Variants in PRICKLE1 observed in about 807,000 individuals in gnomAD.
PRICKLE1 encodes the protein prickle planar cell polarity protein 1.
In PRICKLE1, 14 loss-of-function variants were observed where a neutral mutation model predicts 70.2. That is an observed-to-expected ratio of 0.20 (90% CI 0.13 to 0.31). The LOEUF is 0.31. Ranked by LOEUF, PRICKLE1 falls within the 10% of genes least tolerant of loss-of-function variation. The probability of loss-of-function intolerance (pLI) is 1.00; values close to 1 mark genes in which losing one functional copy is unlikely to be tolerated. For missense variants in PRICKLE1, 821 were observed against 1,026.2 expected, an observed-to-expected ratio of 0.80 and a Z score of 2.73; for synonymous variants, 357 against 379.9, an observed-to-expected ratio of 0.94 and a Z score of 0.70.
intron 1 of PRICKLE1, among the ~76,000 whole-genome samples, chr12:42,560,199 A>G (rs1940487521): frequency 6.8e-6 from 1 of 146,210 alleles, no homozygotes. Flanking sequence ...TGCAGTGGTG[A>G]GATCTTGGCT....
At chr12:42,489,492 T>C (rs1197523521) in intron 1 of PRICKLE1, among the ~76,000 whole-genome samples, 1 of 150,188 alleles carries the variant, frequency 6.7e-6, no homozygotes, top group Non-Finnish European at 1.5e-5. Context: ...AAACCCCGTC[T>C]CTACTAAAAT....
rs1939161438 is a variant in PRICKLE1 at position 42,494,605 on chromosome 12, G to A, written c.-48-22041C>T. Among the ~76,000 whole-genome samples the A allele has an allele frequency of 2.0e-5, 3 of 152,032 alleles. No individual in the cohort carries two copies. The South Asian group carries it at 6.2e-4, about 32-fold the overall frequency. ...GTGGATCACTTGAAGTCAGGAGTTT[G>A]AGACTAGCCTGGCTAACACGGTGAA... On this transcript the variant is annotated intron_variant, in intron 1 of 7. Coordinates refer to ENST00000345127, the MANE Select transcript of PRICKLE1 (RefSeq NM_153026.3).
rs1021392964 is a variant in PRICKLE1 at position 42,477,266 on chromosome 12, A to C, written c.-48-4702T>G. Among the ~76,000 whole-genome samples, 3 of 151,480 alleles carry C rather than the reference A, an allele frequency of 2.0e-5. No individual in the cohort carries two copies. In the East Asian group the frequency reaches 5.9e-4, roughly 30 times the overall value. ...GCACACCTGTAATCCCAGCTACTCG[A>C]GAGGCTGAGGCAGGAGAATCACTTG... On this transcript the variant is annotated intron_variant, in intron 1 of 7. Coordinates refer to ENST00000345127, the MANE Select transcript of PRICKLE1 (RefSeq NM_153026.3).
chr12:42,516,702 G>A (rs1236902082), intron 1 of PRICKLE1, among the ~76,000 whole-genome samples: 1 of 152,092 alleles, frequency 6.6e-6, no homozygotes, highest in African/African-American at 2.4e-5. Context: ...ATGAGGACAG[G>A]GAAAGGGAGG....
At chr12:42,525,638 C>A (rs1939787501) in intron 1 of PRICKLE1, among the ~76,000 whole-genome samples, 1 of 151,920 alleles carries the variant, frequency 6.6e-6, no homozygotes, top group Non-Finnish European at 1.5e-5. Flanking sequence ...TTTCCACACA[C>A]TTCCTGGTGA....
rs1938264291 is a variant in PRICKLE1, at chr12:42,470,287, T to C, written c.205A>G (p.Ile69Val). The C allele has an allele frequency of 1.2e-6, 2 of 1,614,130 alleles. No homozygotes were observed. The highest frequency in any genetic ancestry group is 1.7e-6 in the Non-Finnish European group (2 of 1,179,976). ...YVNSPGEKHR[I>V]KQLLYQLPPH... ...GGTAACTGGTACAAAAGCTGTTTAA[T>C]CCGATGCTTCTCTCCGGGGCTGTTA... The change falls in exon 3 of 8, where the codon ATT (isoleucine) becomes GTT (valine). Residue 69 changes from isoleucine to valine, a missense_variant. Ile to Val is a conservative substitution (Grantham distance 29). Coordinates refer to ENST00000345127, the MANE Select transcript of PRICKLE1 (RefSeq NM_153026.3).
chr12:42,560,306 G>T lies in PRICKLE1; in HGVS notation c.-49+29159C>A, dbSNP rs900058565. On this transcript the variant is annotated intron_variant, in intron 1 of 7. Coordinates refer to ENST00000345127, the MANE Select transcript of PRICKLE1 (RefSeq NM_153026.3). ...GTCCCACCATGCCTGGCTAATTTTT[G>T]TATTTTTAGTAGAGATGGAGTTTCA... Among the ~76,000 whole-genome samples, 4 of 151,776 alleles carry T rather than the reference G, an allele frequency of 2.6e-5. No individual in the cohort carries two copies. The East Asian group carries it at 7.7e-4, about 29-fold the overall frequency.
chr12:42,567,673 C>T (rs540188210), intron 1 of PRICKLE1, among the ~76,000 whole-genome samples: 13 of 151,158 alleles, frequency 8.6e-5, no homozygotes, highest in African/African-American at 3.2e-4. Flanking sequence ...ACTAAAAATA[C>T]AAAATTAACT....
chr12:42,561,761 T>C (rs1392393012), intron 1 of PRICKLE1, among the ~76,000 whole-genome samples: 2 of 152,174 alleles, frequency 1.3e-5, no homozygotes, highest in Non-Finnish European at 2.9e-5. Flanking sequence ...CAGTTAACTA[T>C]GAAAAGTCAT....
chr12:42,479,749 A>G (rs1489882585), intron 1 of PRICKLE1, among the ~76,000 whole-genome samples: 2 of 152,138 alleles, frequency 1.3e-5, no homozygotes, highest in African/African-American at 4.8e-5. Flanking sequence ...TGAGGTCAGG[A>G]GTTCGAGACC....
At chr12:42,519,529 C>T (rs1426560795) in intron 1 of PRICKLE1, among the ~76,000 whole-genome samples, 1 of 152,118 alleles carries the variant, frequency 6.6e-6, no homozygotes, top group East Asian at 1.9e-4. Flanking sequence ...TTAGACTTTA[C>T]CAGATGCAGG....
chr12:42,498,382 T>G (rs560283774), intron 1 of PRICKLE1, among the ~76,000 whole-genome samples: 15 of 151,278 alleles, frequency 9.9e-5, no homozygotes, highest in Non-Finnish European at 1.9e-4. Context: ...CCATGTTGTC[T>G]AGCCTGGTAT....
chr12:42,473,214 G>A (rs539856583), intron 1 of PRICKLE1, among the ~76,000 whole-genome samples: 50 of 152,328 alleles, frequency 3.3e-4, no homozygotes, highest in African/African-American at 1.2e-3. Flanking sequence ...AAGTCAGTCA[G>A]ACATTCATCA....
chr12:42,578,954 G>T (rs1940851734), intron 1 of PRICKLE1, among the ~76,000 whole-genome samples: 1 of 152,018 alleles, frequency 6.6e-6, no homozygotes, highest in South Asian at 2.1e-4. Context: ...GTAGAAACGG[G>T]GTTTCACTAT....
intron 2 of PRICKLE1, among the ~76,000 whole-genome samples, chr12:42,470,969 AAGAG>A (rs1224129733): frequency 1.3e-5 from 2 of 152,120 alleles, no homozygotes; most frequent in Non-Finnish European, 2.9e-5. Context: ...AGAGATCAGC[AAGAG>A]AGAGAGTCCT....
intron 1 of PRICKLE1, among the ~76,000 whole-genome samples, chr12:42,489,477 T>A (rs935740394): frequency 6.7e-6 from 1 of 150,218 alleles, no homozygotes; most frequent in Non-Finnish European, 1.5e-5. Flanking sequence ...CTGGCCAACA[T>A]GGTGAAACCC....
intron 1 of PRICKLE1, among the ~76,000 whole-genome samples, chr12:42,559,000 A>G (rs1312600636): frequency 6.6e-6 from 1 of 152,256 alleles, no homozygotes; most frequent in Non-Finnish European, 1.5e-5. Flanking sequence ...GCTGCAATAT[A>G]CAGTGTAGAT....
intron 1 of PRICKLE1, among the ~76,000 whole-genome samples, chr12:42,495,206 A>AAAAACAAAAC (rs71435910): frequency 1.2e-3 from 185 of 149,270 alleles, no homozygotes; most frequent in Non-Finnish European, 2.1e-3. Flanking sequence ...CCATCTCTAC[A>AAAAACAAAAC]AAAACAAAAC....
At chr12:42,488,960 G>A (rs368499575) in intron 1 of PRICKLE1, among the ~76,000 whole-genome samples, 1 of 112,314 alleles carries the variant, frequency 8.9e-6, no homozygotes, top group East Asian at 2.4e-4. Flanking sequence ...TTTCGCTCTT[G>A]TTGCCCAGGC....
Sources: gnomAD v4.1 joint callset for allele counts (sites outside exome capture counted in the v4.1 genomes callset) on GRCh38, gnomAD v4.1.1 for gene constraint, MANE v1.5 for transcripts, NCBI Gene and HGNC (gene_info 2026-07-23, HGNC 2026-07-21) for gene names.